TTLL3: variants seen among roughly 807,000 people sequenced by gnomAD.
TTLL3 encodes the protein tubulin monoglycylase TTLL3.
In TTLL3, 63 loss-of-function variants were observed where a neutral mutation model predicts 75.2. The ratio of observed to expected loss-of-function variants is 0.84; its 90% CI spans 0.68 to 1.03. The LOEUF (loss-of-function observed/expected upper bound fraction) is 1.03, where lower values mean the gene tolerates loss of function less well. TTLL3 is among the 50% of genes least tolerant of loss of function. The pLI is 0.00. For synonymous variants in TTLL3, 393 were observed against 418.5 expected, an observed-to-expected ratio of 0.94 and a Z score of 0.74; for missense variants, 997 against 1,069.9, an observed-to-expected ratio of 0.93 and a Z score of 0.95.
intron 4 of TTLL3, among the ~76,000 whole-genome samples, chr3:9,813,829 G>A (rs539326709): frequency 6.6e-6 from 1 of 152,138 alleles, no homozygotes; most frequent in South Asian, 2.1e-4. Context: ...CCCACAGAGT[G>A]GGGAGGGACA....
At chr3:9,822,748 A>AAT (rs1422700334) in intron 8 of TTLL3, among the ~76,000 whole-genome samples, 23 of 140,746 alleles carry the variant, frequency 1.6e-4, no homozygotes, top group East Asian at 1.1e-3. Flanking sequence ...TATATATTAT[A>AAT]ATATATATAA....
intron 6 of TTLL3, chr3:9,818,592 T>C: frequency 3.3e-6 from 4 of 1,230,204 alleles, no homozygotes; most frequent in Non-Finnish European, 4.2e-6. Context: ...ATGGTCTCGA[T>C]CTCCTGACCT....
chr3:9,822,169 G>A lies in TTLL3; in HGVS notation c.854+1428G>A, dbSNP rs566328823. On this transcript the variant is annotated intron_variant, in intron 8 of 13. Coordinates refer to ENST00000685419, the MANE Select transcript of TTLL3 (RefSeq NM_001387446.1). Reference sequence around the variant, plus strand: ...CAACCTCCACCTCCTGGGTTCATGCGATTCTCCTGCCTCAGCCTCCCGAGT... The same window carrying A: ...CAACCTCCACCTCCTGGGTTCATGCAATTCTCCTGCCTCAGCCTCCCGAGT... Among the ~76,000 whole-genome samples the A allele has an allele frequency of 2.8e-5, 4 of 140,994 alleles. 1 individual carries two copies. Among genetic ancestry groups the A allele is most frequent in the African/African-American group, 5.2e-5 (2 of 38,198 alleles). The allele number at this position is 140,994 out of a possible 152,430, so 92.5% of individuals were successfully genotyped here. A position where few individuals can be genotyped will look rare whatever the true frequency, so the allele number is the denominator to read the frequency against.
chr3:9,832,286 TTA>T (rs1263699579), intron 11 of TTLL3, among the ~76,000 whole-genome samples: 8 of 151,536 alleles, frequency 5.3e-5, no homozygotes, highest in Non-Finnish European at 1.0e-4. Context: ...CAGGGTTTGG[TTA>T]TGTTGGCCAG....
intron 11 of TTLL3, among the ~76,000 whole-genome samples, chr3:9,832,056 GC>G (rs961753175): frequency 2.3e-4 from 33 of 145,620 alleles, no homozygotes; most frequent in African/African-American, 7.4e-4. Flanking sequence ...CTCCCAGAGA[GC>G]CACCGCGCCC....
chr3:9,829,118 C>T lies in TTLL3; in HGVS notation c.1406C>T (p.Pro469Leu), dbSNP rs951366346. 2 of 1,614,266 alleles carry T rather than the reference C, an allele frequency of 1.2e-6. No homozygotes were observed. The highest frequency in any genetic ancestry group is 1.7e-6 in the Non-Finnish European group (2 of 1,180,054). The change falls in exon 11 of 14, where the codon CCT becomes CTT. Residue 469 changes from proline to leucine, a missense_variant. Physicochemically the swap from Pro to Leu is moderately conservative, Grantham distance 98 (BLOSUM62 -3). Coordinates refer to ENST00000685419, the MANE Select transcript of TTLL3 (RefSeq NM_001387446.1). ...APNAWSTIIV[P>L]GMKDAVIHAL... ...AATGCTTGGTCCACCATCATCGTGC[C>T]TGGCATGAAGGATGCTGTGATCCAC...
At chr3:9,834,309 G>A (rs1005346270) in intron 12 of TTLL3, 151 of 472,088 alleles carry the variant, frequency 3.2e-4, no homozygotes, top group Non-Finnish European at 1.3e-4. Context: ...GTCACCTCTC[G>A]GGGAAAGAAC....
At chr3:9,814,007 T>C (rs944039273) in intron 4 of TTLL3, among the ~76,000 whole-genome samples, 1 of 151,856 alleles carries the variant, frequency 6.6e-6, no homozygotes, top group Non-Finnish European at 1.5e-5. Context: ...CTTAAAAAGC[T>C]CTGGAAGAGA....
chr3:9,825,677 C>T, intron 8 of TTLL3, 123 bp from the exon 9 acceptor site: 1 of 1,563,072 alleles, frequency 6.4e-7, no homozygotes, highest in Non-Finnish European at 8.7e-7. Flanking sequence ...TGGATATCTG[C>T]AGGGAGGGCG....
In TTLL3 at chr3:9,825,839, G is replaced by A; in HGVS notation, c.894G>A (p.Gln298=). 1 of 1,614,134 alleles carries A rather than the reference G, an allele frequency of 6.2e-7. No homozygotes were observed. The highest frequency in any genetic ancestry group is 8.5e-7 in the Non-Finnish European group (1 of 1,180,004). The part of the protein sequence containing the change: ...AELRHLDTQV[Q]RCEDILQQLQ... Reference sequence around the variant, plus strand: ...TCAGGCACCTCGACACTCAGGTCCAGCGCTGTGAGGACATCCTGCAGCAGC... The same window carrying A: ...TCAGGCACCTCGACACTCAGGTCCAACGCTGTGAGGACATCCTGCAGCAGC... Residue 298 remains glutamine, a synonymous_variant, in exon 9 of 14, where the codon CAG becomes CAA. Coordinates refer to ENST00000685419, the MANE Select transcript of TTLL3 (RefSeq NM_001387446.1).
Position 9,810,835 on chromosome 3 carries a change from C to G in TTLL3, c.48+126C>G. The G allele has an allele frequency of 2.3e-6, 2 of 888,288 alleles. No individual in the cohort carries two copies. Among genetic ancestry groups the G allele is most frequent in the Non-Finnish European group, 3.4e-6 (2 of 594,848 alleles). 55.0% of individuals were successfully genotyped at this position (888,288 alleles called of 1,614,324 possible). On this transcript the variant is annotated intron_variant, in intron 2 of 13. Coordinates refer to ENST00000685419, the MANE Select transcript of TTLL3 (RefSeq NM_001387446.1). The surrounding 1 kb of genome is among the most constrained non-coding windows in gnomAD (Gnocchi z 4.4). Reference sequence around the variant, plus strand: ...AAAAACAATAGCAAAAATCCTCAACCACCACACCCATCTTCAACTACCTCC... The same window carrying G: ...AAAAACAATAGCAAAAATCCTCAACGACCACACCCATCTTCAACTACCTCC...
intron 8 of TTLL3, among the ~76,000 whole-genome samples, chr3:9,824,657 C>G (rs1393013109): frequency 6.6e-6 from 1 of 152,098 alleles, no homozygotes; most frequent in Non-Finnish European, 1.5e-5. Flanking sequence ...GATCCGCCCA[C>G]CTTGCCCTCC....
At chr3:9,818,578 C>T (rs927070140) in intron 6 of TTLL3, 14 of 1,114,254 alleles carry the variant, frequency 1.3e-5, no homozygotes, top group Non-Finnish European at 1.5e-5. Flanking sequence ...CTGTGTTAGC[C>T]AGGATGGTCT....
intron 8 of TTLL3, among the ~76,000 whole-genome samples, chr3:9,824,330 G>A (rs6781287): frequency 0.17 from 26,550 of 152,216 alleles, 2,571 homozygotes; most frequent in African/African-American, 0.23. Context: ...AATCAGACAG[G>A]ACAGAGTTTG....
chr3:9,813,274 C>T lies in TTLL3; in HGVS notation c.244C>T (p.Gln82Ter), dbSNP rs774967082. Residue 82 changes from glutamine to a stop codon, truncating the protein, a stop_gained, in exon 4 of 14, where the codon CAG becomes TAG. Transcript: ENST00000685419. LOFTEE classifies it high-confidence loss of function. The stretch of plus-strand genomic sequence containing the variant: ...GGATGAAGATGAGGACGAGGAGTTC[C>T]AGCCATCACAGCTGTTCGACTTCGA... ...DEDEDEDEEFQPSQLFDFDDL... is the reference protein window; with the variant it reads ...DEDEDEDEEF 1.2e-6 allele frequency: 2 copies of T among 1,614,238 alleles called. No individual in the cohort carries two copies. Among genetic ancestry groups the T allele is most frequent in the South Asian group, 2.2e-5 (2 of 91,076 alleles).
rs745321966 is a variant in TTLL3 at position 9,835,107 on chromosome 3, T to G, written c.2066T>G (p.Leu689Arg). The G allele has an allele frequency of 2.5e-6, 4 of 1,610,564 alleles. No individual in the cohort carries two copies. The change falls in exon 14 of 14, where the codon CTG becomes CGG. Residue 689 changes from leucine to arginine, a missense_variant. Leu to Arg is a moderately radical substitution (Grantham distance 102). Transcript: ENST00000685419. ...TTTCACACCGAGGCTCCTGCTCTCC[T>G]GTGCCTCCGAGGCCCCCAGCTGGAA... ...ILKPRKAPAL[L>R]CLRGPQLEVP...
intron 8 of TTLL3, among the ~76,000 whole-genome samples, chr3:9,823,410 T>TG (rs1447390543): frequency 6.6e-5 from 10 of 150,880 alleles, no homozygotes; most frequent in Non-Finnish European, 1.3e-4. Context: ...CAGTTTTTTT[T>TG]TTTTTTTTTT....
chr3:9,828,070 A>C (rs1334020807), intron 10 of TTLL3: 1 of 140,236 alleles, frequency 7.1e-6, no homozygotes, highest in Non-Finnish European at 1.5e-5. Flanking sequence ...TGAACCTGGG[A>C]GGTGGAGGTT....
At chr3:9,830,925 CCT>C (rs2081462131) in intron 11 of TTLL3, among the ~76,000 whole-genome samples, 1 of 152,178 alleles carries the variant, frequency 6.6e-6, no homozygotes, top group South Asian at 2.1e-4. Context: ...GCCTCCGCCC[CCT>C]GAGTAGCTGG....
Sources: gnomAD v4.1 joint callset for allele counts (sites outside exome capture counted in the v4.1 genomes callset) on GRCh38, gnomAD v4.1.1 for gene constraint, Gnocchi (gnomAD v3.1) non-coding constraint, MANE v1.5 for transcripts, NCBI Gene and HGNC (gene_info 2026-07-23, HGNC 2026-07-21) for gene names.